PLEKHA6: variants seen among roughly 807,000 people sequenced by gnomAD.
The protein encoded by PLEKHA6 is pleckstrin homology domain-containing family A member 6.
Under a neutral mutation model 116.7 loss-of-function variants are expected in PLEKHA6, and 60 were observed. The ratio of observed to expected loss-of-function variants is 0.51; its 90% CI spans 0.42 to 0.64. The LOEUF (loss-of-function observed/expected upper bound fraction) is 0.64. PLEKHA6 is among the 30% of genes least tolerant of loss of function. The pLI is 0.00. For synonymous variants in PLEKHA6, 489 were observed against 556.1 expected (o/e 0.88, Z 1.70); for missense variants, 1,338 against 1,422.7 (o/e 0.94, Z 0.96).
rs1673647391 is a variant in PLEKHA6 at position 204,366,397 on chromosome 1, A to C, written c.218+1402T>G. Reference sequence around the variant, plus strand: ...GAAGAGGAGAAAGAGGAGGAGGAGAAGGAGGAGGAACAAAAGAAAAAGAAA... The same window carrying C: ...GAAGAGGAGAAAGAGGAGGAGGAGACGGAGGAGGAACAAAAGAAAAAGAAA... On this transcript the variant is annotated intron_variant, in intron 3 of 4. Transcript: ENST00000564627. 2.6e-5 allele frequency among the ~76,000 whole-genome samples: 4 copies of C among 152,248 alleles called. No individual in the cohort carries two copies. The South Asian group carries it at 6.2e-4, about 24-fold the overall frequency.
intron 12 of PLEKHA6, among the ~76,000 whole-genome samples, chr1:204,248,616 G>A (rs182980500): frequency 2.7e-4 from 41 of 152,320 alleles, no homozygotes; most frequent in Middle Eastern, 6.8e-3. Flanking sequence ...TCATTTCCTC[G>A]GTGGAGACTG....
At chr1:204,296,755 A>G (rs1333343335) in intron 1 of PLEKHA6, among the ~76,000 whole-genome samples, 1 of 152,240 alleles carries the variant, frequency 6.6e-6, no homozygotes, top group African/African-American at 2.4e-5. Context: ...CAAAAGAGTC[A>G]GGCAGGATCA....
intron 3 of PLEKHA6, among the ~76,000 whole-genome samples, chr1:204,273,030 G>A (rs1488298709): frequency 2.0e-5 from 3 of 152,092 alleles, no homozygotes; most frequent in African/African-American, 7.2e-5. Flanking sequence ...GCCCTTGTCA[G>A]GGTCCCCTGT....
Position 204,319,669 on chromosome 1 carries a change from A to T in PLEKHA6, c.-95+40025T>A, listed in dbSNP as rs540108081. ...TCCTGCATTGCAGTCATTTGTTTAC[A>T]TGTCTGCCTCCCCCACAGCACTCTG... On this transcript the variant is annotated intron_variant, in intron 1 of 22. Transcript: ENST00000272203. Among the ~76,000 whole-genome samples the T allele has an allele frequency of 4.6e-5, 7 of 152,250 alleles. No homozygotes were observed. In the East Asian group the frequency reaches 7.7e-4, roughly 17 times the overall value.
At chr1:204,327,097 T>C (rs1262103991) in intron 1 of PLEKHA6, 12 of 702,162 alleles carry the variant, frequency 1.7e-5, no homozygotes, top group Non-Finnish European at 2.1e-5. Flanking sequence ...TGCCACTCTC[T>C]GCTCACATGC....
chr1:204,355,129 G>A (rs1389687846), intron 1 of PLEKHA6, among the ~76,000 whole-genome samples: 2 of 152,250 alleles, frequency 1.3e-5, no homozygotes, highest in Non-Finnish European at 2.9e-5. Flanking sequence ...TCTTGAACAA[G>A]GAGACTTGGG....
intron 3 of PLEKHA6, among the ~76,000 whole-genome samples, chr1:204,269,111 G>A (rs1473988191): frequency 2.6e-5 from 4 of 151,594 alleles, no homozygotes; most frequent in Admixed American, 6.6e-5. Flanking sequence ...GCCCCTCTGC[G>A]GCTAACATCT....
At position 204,259,422 on chromosome 1, in the gene PLEKHA6, C is replaced by T; in HGVS notation, c.843G>A (p.Gly281=). ...CATCCTGAGACGGGAAAGCTGTGCT[C>T]CCTGGCCGGCTTGGGGAGTGGTACT... ...GWQYHSPSRP[G]STAFPSQDGE... is the part of the protein sequence containing the mutation. The change falls in exon 8 of 23, where the codon GGG becomes GGA. Residue 281 remains glycine (G), a synonymous_variant. Coordinates refer to ENST00000272203, the MANE Select transcript of PLEKHA6 (RefSeq NM_014935.5). This position sits in a 1 kb window ranked among gnomAD's most constrained non-coding sequence, Gnocchi z 4.6. 2 of 1,614,220 alleles carry T rather than the reference C, an allele frequency of 1.2e-6. No homozygotes were observed. The highest frequency in any genetic ancestry group is 8.5e-7 in the Non-Finnish European group (1 of 1,180,044).
intron 1 of PLEKHA6, chr1:204,347,348 T>C (rs549172348): frequency 2.4e-5 from 16 of 656,800 alleles, no homozygotes; most frequent in East Asian, 2.0e-4. Context: ...TCTGCCTGGC[T>C]CACTGGCTGT....
chr1:204,283,985 C>A (rs561984364), intron 1 of PLEKHA6, among the ~76,000 whole-genome samples: 1 of 152,178 alleles, frequency 6.6e-6, no homozygotes, highest in Non-Finnish European at 1.5e-5. Flanking sequence ...AGCAGGCTCA[C>A]CACTGCCTGG....
At chr1:204,369,114 G>C (rs1673723780) in intron 2 of PLEKHA6, 1 of 152,266 alleles carries the variant, frequency 6.6e-6, no homozygotes, top group African/African-American at 2.4e-5. Flanking sequence ...AGCAAGCCCA[G>C]CTCCTGCCAG....
At chr1:204,275,630 T>C in intron 1 of PLEKHA6, 1 of 867,844 alleles carries the variant, frequency 1.2e-6, no homozygotes, top group Non-Finnish European at 1.4e-6. Context: ...GCTGGCTGAG[T>C]GTCAGGACAG....
In PLEKHA6 at chr1:204,218,999, C is replaced by A. The variant is rs1279852768; in HGVS notation, c.*3789G>T. The A allele has an allele frequency of 6.6e-6, 1 of 152,540 alleles. No individual in the cohort carries two copies. Among genetic ancestry groups the A allele is most frequent in the Non-Finnish European group, 1.5e-5 (1 of 68,042 alleles). 9.4% of individuals were successfully genotyped at this position (152,540 alleles called of 1,614,324 possible). A position where few individuals can be genotyped will look rare whatever the true frequency, so the allele number is the denominator to read the frequency against. ...AAACTCTCACCTGTTTCAGTCAGGCCATCCCTCCTCCTGGGGAGGGGGCTC... is the reference window on the plus strand; with the variant it reads ...AAACTCTCACCTGTTTCAGTCAGGCAATCCCTCCTCCTGGGGAGGGGGCTC... On this transcript the variant is annotated 3_prime_UTR_variant, in exon 23 of 23. Coordinates refer to ENST00000272203, the MANE Select transcript of PLEKHA6 (RefSeq NM_014935.5).
At chr1:204,343,225 T>C (rs895545471) in intron 1 of PLEKHA6, among the ~76,000 whole-genome samples, 1 of 152,230 alleles carries the variant, frequency 6.6e-6, no homozygotes, top group Admixed American at 6.5e-5. Context: ...CAGGGTCCCA[T>C]GGAACAGACA....
intron 9 of PLEKHA6, among the ~76,000 whole-genome samples, chr1:204,255,226 T>C (rs987914558): frequency 1.3e-5 from 2 of 152,138 alleles, no homozygotes; most frequent in African/African-American, 2.4e-5. Flanking sequence ...TATGATAAGA[T>C]GATTTCCCAG....
intron 1 of PLEKHA6, among the ~76,000 whole-genome samples, chr1:204,333,551 C>G (rs2103280833): frequency 6.6e-6 from 1 of 152,344 alleles, no homozygotes; most frequent in Non-Finnish European, 1.5e-5. Flanking sequence ...CTCTCCTTCT[C>G]AGCTGATTTA....
In PLEKHA6 at chr1:204,259,679, T is replaced by C. The variant is rs777097613; in HGVS notation, c.586A>G (p.Asn196Asp). ...PSKHHQQPPH[N>D]SLPKPEPEAK... Reference sequence around the variant, plus strand: ...TCTGGCTCAGGCTTAGGGAGGCTGTTGTGGGGTGGCTGCTGGTGGTGCTTG... The same window carrying C: ...TCTGGCTCAGGCTTAGGGAGGCTGTCGTGGGGTGGCTGCTGGTGGTGCTTG... The change falls in exon 8 of 23, where the codon AAC becomes GAC. Residue 196 changes from asparagine (N) to aspartate (D), a missense_variant. Coordinates refer to ENST00000272203, the MANE Select transcript of PLEKHA6 (RefSeq NM_014935.5). This position sits in a 1 kb window ranked among gnomAD's most constrained non-coding sequence, Gnocchi z 4.6. 6 of 1,613,940 alleles carry C rather than the reference T, an allele frequency of 3.7e-6. No individual in the cohort carries two copies. In the African/African-American group the frequency reaches 6.7e-5, roughly 18 times the overall value.
intron 17 of PLEKHA6, among the ~76,000 whole-genome samples, chr1:204,239,888 G>T (rs547917881): frequency 6.6e-6 from 1 of 152,290 alleles, no homozygotes; most frequent in East Asian, 1.9e-4. Context: ...ATCACCCCTA[G>T]TGATCCACTA....
At chr1:204,336,671 C>T (rs1234869661) in intron 1 of PLEKHA6, among the ~76,000 whole-genome samples, 1 of 152,204 alleles carries the variant, frequency 6.6e-6, no homozygotes, top group Non-Finnish European at 1.5e-5. Context: ...TTCTGCCCTC[C>T]TCCTCCCTGC....
Sources: allele counts gnomAD v4.1 joint callset (sites outside exome capture counted in the v4.1 genomes callset), GRCh38; gene constraint gnomAD v4.1.1; non-coding constraint Gnocchi (gnomAD v3.1); transcripts MANE v1.5; gene names NCBI Gene and HGNC (gene_info 2026-07-23, HGNC 2026-07-21).